The following ZBTB20 variants were observed in gnomAD, a reference collection of about 807,000 sequenced individuals.
ZBTB20 encodes the protein zinc finger and BTB domain containing 20, also known as zinc finger and BTB domain-containing protein 20.
ZBTB20 carries 9 observed loss-of-function variants against 56.9 expected under a neutral mutation model. The observed-to-expected ratio is 0.16, with a 90% CI of 0.10 to 0.28. The LOEUF is 0.28. Among genes scored for constraint, ZBTB20 ranks in the 10% least tolerant of loss-of-function variants. The pLI is 1.00. For synonymous variants in ZBTB20, 417 were observed against 420.7 expected (o/e 0.99, Z 0.11); for missense variants, 655 against 1,003.0 (o/e 0.65, Z 4.69).
At chr3:114,458,295 G>A (rs1390324566) in intron 7 of ZBTB20, among the ~76,000 whole-genome samples, 4 of 152,084 alleles carry the variant, frequency 2.6e-5, no homozygotes, top group Non-Finnish European at 5.9e-5. Flanking sequence ...CTTTAAAAAA[G>A]CATACGAATA....
chr3:114,455,260 G>T (rs2091941982), intron 7 of ZBTB20, among the ~76,000 whole-genome samples: 1 of 152,110 alleles, frequency 6.6e-6, no homozygotes, highest in African/African-American at 2.4e-5. Flanking sequence ...GAATTTGAAT[G>T]ATCTGTCAGC....
intron 6 of ZBTB20, among the ~76,000 whole-genome samples, chr3:114,670,101 T>C (rs1219840999): frequency 6.6e-6 from 1 of 152,090 alleles, no homozygotes; most frequent in East Asian, 1.9e-4. Context: ...ATTTTTCTAA[T>C]GAAAGAGGAT....
At chr3:114,886,374 C>T (rs1576228180) in intron 4 of ZBTB20, among the ~76,000 whole-genome samples, 2 of 152,212 alleles carry the variant, frequency 1.3e-5, no homozygotes, top group African/African-American at 4.8e-5. Flanking sequence ...AAGACCTGGC[C>T]GATGCTAAGC....
chr3:115,042,869 T>C (rs889543387), intron 2 of ZBTB20, among the ~76,000 whole-genome samples: 2 of 152,256 alleles, frequency 1.3e-5, no homozygotes, highest in Non-Finnish European at 2.9e-5. Flanking sequence ...TTTTCCATGC[T>C]TTATGATCAT....
intron 6 of ZBTB20, among the ~76,000 whole-genome samples, chr3:114,581,123 AAAC>A (rs1417822824): frequency 1.3e-5 from 2 of 152,028 alleles, no homozygotes; most frequent in Non-Finnish European, 1.5e-5. Context: ...AAGATCATAT[AAAC>A]AGATTTGATA....
At chr3:114,906,388 G>A in intron 3 of ZBTB20, among the ~76,000 whole-genome samples, 1 of 151,636 alleles carries the variant, frequency 6.6e-6, no homozygotes, top group East Asian at 1.9e-4. Flanking sequence ...GCAATTCTAG[G>A]TAGGATGAAG....
intron 6 of ZBTB20, among the ~76,000 whole-genome samples, chr3:114,634,714 C>T (rs1484558670): frequency 6.6e-6 from 1 of 152,202 alleles, no homozygotes. Context: ...AATGTCATAT[C>T]AGTACTTCCC....
At chr3:114,816,380 T>C (rs2072920599) in intron 4 of ZBTB20, among the ~76,000 whole-genome samples, 1 of 152,154 alleles carries the variant, frequency 6.6e-6, no homozygotes, top group South Asian at 2.1e-4. Context: ...GGCTAAAAAA[T>C]GCCTTGAAGT....
At chr3:114,721,925 A>C (rs1578525350) in intron 5 of ZBTB20, among the ~76,000 whole-genome samples, 1 of 152,154 alleles carries the variant, frequency 6.6e-6, no homozygotes, top group Admixed American at 6.5e-5. Context: ...TGCTTTTTGG[A>C]CTTAAAGTAT....
chr3:114,833,043 T>C (rs966520038), intron 4 of ZBTB20, among the ~76,000 whole-genome samples: 6 of 152,168 alleles, frequency 3.9e-5, no homozygotes, highest in Admixed American at 6.6e-5. Flanking sequence ...ATAAGAGCTT[T>C]ATATTCTAGA....
intron 3 of ZBTB20, among the ~76,000 whole-genome samples, chr3:114,925,052 C>T (rs1320193932): frequency 1.2e-4 from 17 of 142,506 alleles, no homozygotes; most frequent in African/African-American, 3.1e-4. Context: ...GGCGCAATCT[C>T]GGCTCACTGC....
At chr3:114,384,118 C>CTCTCTCAT (rs1369505817) in intron 8 of ZBTB20, among the ~76,000 whole-genome samples, 3 of 149,854 alleles carry the variant, frequency 2.0e-5, no homozygotes, top group African/African-American at 7.5e-5. Context: ...CTCTCTCTCT[C>CTCTCTCAT]TCTCTCTCTC....
chr3:114,858,189 T>C (rs2075336545), intron 4 of ZBTB20, among the ~76,000 whole-genome samples: 1 of 152,188 alleles, frequency 6.6e-6, no homozygotes, highest in Admixed American at 6.5e-5. Flanking sequence ...ACAGTAAAAA[T>C]GGCCAAAACT....
intron 4 of ZBTB20, among the ~76,000 whole-genome samples, chr3:114,889,285 TA>T (rs1322431349): frequency 1.3e-5 from 2 of 151,914 alleles, no homozygotes; most frequent in Non-Finnish European, 2.9e-5. Context: ...ATGAAAACGT[TA>T]ACTTCCTAGA....
intron 8 of ZBTB20, among the ~76,000 whole-genome samples, chr3:114,384,136 C>T (rs1353060449): frequency 6.6e-6 from 1 of 151,308 alleles, no homozygotes; most frequent in Admixed American, 6.6e-5. Context: ...CTCATTCTCT[C>T]TCTCTCTCTC....
At chr3:114,958,149 C>T (rs2077312824) in intron 3 of ZBTB20, among the ~76,000 whole-genome samples, 1 of 152,176 alleles carries the variant, frequency 6.6e-6, no homozygotes, top group African/African-American at 2.4e-5. Flanking sequence ...CTTTGTCAAG[C>T]TCCCTTTTCA....
intron 5 of ZBTB20, among the ~76,000 whole-genome samples, chr3:114,763,933 T>C (rs1384351265): frequency 1.3e-5 from 2 of 152,124 alleles, no homozygotes; most frequent in Non-Finnish European, 2.9e-5. Flanking sequence ...GCGTAAGAAG[T>C]AAATGTTTTC....
intron 6 of ZBTB20, among the ~76,000 whole-genome samples, chr3:114,584,884 G>C (rs570552907): frequency 6.6e-6 from 1 of 152,078 alleles, no homozygotes; most frequent in Non-Finnish European, 1.5e-5. Flanking sequence ...GACCTGAAGC[G>C]TCTAGAAAGA....
At chr3:114,998,105 C>T (rs1267155433) in intron 2 of ZBTB20, among the ~76,000 whole-genome samples, 3 of 151,654 alleles carry the variant, frequency 2.0e-5, no homozygotes, top group Non-Finnish European at 2.9e-5. Flanking sequence ...ATTATATACA[C>T]ACATGAAGTT....
Sources: gnomAD v4.1 joint callset for allele counts (sites outside exome capture counted in the v4.1 genomes callset) on GRCh38, gnomAD v4.1.1 for gene constraint, MANE v1.5 for transcripts, NCBI Gene and HGNC (gene_info 2026-07-23, HGNC 2026-07-21) for gene names.